The following TMEM97 variants were observed in gnomAD, a reference collection of about 807,000 sequenced individuals.
The protein encoded by TMEM97 is sigma intracellular receptor 2.
In TMEM97, 13 loss-of-function variants were observed where a neutral mutation model predicts 18.3. That is an observed-to-expected ratio of 0.71 (90% CI 0.46 to 1.13). The LOEUF (loss-of-function observed/expected upper bound fraction) is 1.13. TMEM97 is among the 50% of genes most tolerant of loss of function. TMEM97 has a pLI of 0.00. For synonymous variants in TMEM97, 76 were observed against 85.3 expected (o/e 0.89, Z 0.60); for missense variants, 205 against 210.5 (o/e 0.97, Z 0.16).
In TMEM97 at chr17:28,319,238, C is replaced by G. The variant is rs782594088; in HGVS notation, c.-2C>G. 6.2e-7 allele frequency: 1 copy of G among 1,606,494 alleles called. No homozygotes were observed. Among genetic ancestry groups the G allele is most frequent in the East Asian group, 2.3e-5 (1 of 44,276 alleles). ...AGCGGGTCCAGGCCCAACCGACAGA[C>G]TATGGGGGCTCCGGCAACCAGGCGC... On this transcript the variant is annotated 5_prime_UTR_variant, in exon 1 of 3. Coordinates refer to ENST00000226230, the MANE Select transcript of TMEM97 (RefSeq NM_014573.3).
In TMEM97 at chr17:28,326,522, T is replaced by C. The variant is rs1555575476; in HGVS notation, c.272-12T>C. 1 of 1,611,116 alleles carries C rather than the reference T, an allele frequency of 6.2e-7. No homozygotes were observed. Among genetic ancestry groups the C allele is most frequent in the Non-Finnish European group, 8.5e-7 (1 of 1,177,914 alleles). On this transcript the variant is annotated splice_polypyrimidine_tract_variant and intron_variant, in intron 2 of 2. Coordinates refer to ENST00000226230, the MANE Select transcript of TMEM97 (RefSeq NM_014573.3). Reference sequence around the variant, plus strand: ...AGACCTAACCATTTTTCTTTTCCCCTGACTACCTCAGGAAGCTGCAAGTGG... The same window carrying C: ...AGACCTAACCATTTTTCTTTTCCCCCGACTACCTCAGGAAGCTGCAAGTGG...
In TMEM97 at chr17:28,328,120, G is replaced by C. The variant is rs781801532; in HGVS notation, c.*1327G>C. The C allele has an allele frequency of 3.2e-4, 49 of 153,910 alleles. No homozygotes were observed. The highest frequency in any genetic ancestry group is 5.5e-4 in the Non-Finnish European group (38 of 68,960). 9.5% of individuals were successfully genotyped at this position (153,910 alleles called of 1,614,324 possible). ...AAATGATGTTAGACAACAGGTCCCAGTCAGTTCCCTCTATTTTCACCCATT... is the reference window on the plus strand; with the variant it reads ...AAATGATGTTAGACAACAGGTCCCACTCAGTTCCCTCTATTTTCACCCATT... On this transcript the variant is annotated 3_prime_UTR_variant, in exon 3 of 3. Coordinates refer to ENST00000226230, the MANE Select transcript of TMEM97 (RefSeq NM_014573.3).
chr17:28,328,650 G>T lies in TMEM97; in HGVS notation c.*1857G>T. On this transcript the variant is annotated 3_prime_UTR_variant, in exon 3 of 3. Transcript: ENST00000226230. Reference sequence around the variant, plus strand: ...TCCTACTATAAAAGCGAAATTTTCAGTTCATTTCTGAAAAATAAATTGGTC... The same window carrying T: ...TCCTACTATAAAAGCGAAATTTTCATTTCATTTCTGAAAAATAAATTGGTC... 1 of 1,592,206 alleles carries T rather than the reference G, an allele frequency of 6.3e-7. No individual in the cohort carries two copies. The highest frequency in any genetic ancestry group is 8.6e-7 in the Non-Finnish European group (1 of 1,168,220).
rs782260228 is a variant in TMEM97, at chr17:28,325,563, C to T, written c.187C>T (p.Pro63Ser). Residue 63 changes from proline to serine, a missense_variant, in exon 2 of 3, where the codon CCA becomes TCA. Pro to Ser is a moderately conservative substitution (Grantham distance 74). Coordinates refer to ENST00000226230, the MANE Select transcript of TMEM97 (RefSeq NM_014573.3). The part of the protein sequence containing the change: ...EFKDPLLQEP[P>S]AWFKSFLFCE... The stretch of plus-strand genomic sequence containing the variant: ...CAAAGACCCACTGCTACAGGAGCCC[C>T]CAGCCTGGTTTAAGTCCTTTCTGTT... 3 of 1,614,232 alleles carry T rather than the reference C, an allele frequency of 1.9e-6. No individual in the cohort carries two copies. The highest frequency in any genetic ancestry group is 2.5e-6 in the Non-Finnish European group (3 of 1,180,040).
At chr17:28,325,826 T>C (rs1555575407) in intron 2 of TMEM97, 179 bp downstream of exon 2, 3 of 847,320 alleles carry the variant, frequency 3.5e-6, no homozygotes, top group Non-Finnish European at 3.6e-6. Context: ...CTCAGGCTCA[T>C]GTCTGTGGTC....
chr17:28,326,963 CA>C lies in TMEM97; in HGVS notation c.*171del. The stretch of plus-strand genomic sequence containing the variant: ...ACCATGTCAAACCCTCACCTTCTTC[CA>C]TTTTTTTTTTTTTTTTAAGACAGTC... On this transcript the variant is annotated 3_prime_UTR_variant, in exon 3 of 3. Coordinates refer to ENST00000226230, the MANE Select transcript of TMEM97 (RefSeq NM_014573.3). 2 of 805,106 alleles carry C rather than the reference CA, an allele frequency of 2.5e-6. No homozygotes were observed. The highest frequency in any genetic ancestry group is 3.5e-5 in the African/African-American group (2 of 57,024). The allele number at this position is 805,106 out of a possible 1,614,324, so 49.9% of individuals were successfully genotyped here.
Position 28,327,482 on chromosome 17 carries a change from T to G in TMEM97, c.*689T>G, listed in dbSNP as rs577491390. On this transcript the variant is annotated 3_prime_UTR_variant, in exon 3 of 3. Transcript: ENST00000226230. ...TGAGTCACCTGACCCACAGCATATA[T>G]GCTTATGACTAAACCCTCCACTCCT... 2.6e-5 allele frequency: 4 copies of G among 152,298 alleles called. No homozygotes were observed. The highest frequency in any genetic ancestry group is 2.6e-4 in the Admixed American group (4 of 15,290). 9.4% of individuals were successfully genotyped at this position (152,298 alleles called of 1,614,324 possible). A position where few individuals can be genotyped will look rare whatever the true frequency, so the allele number is the denominator to read the frequency against.
chr17:28,323,262 T>C (rs765885337), intron 1 of TMEM97, among the ~76,000 whole-genome samples: 4 of 152,180 alleles, frequency 2.6e-5, no homozygotes, highest in Non-Finnish European at 2.9e-5. Context: ...GATAATTCAT[T>C]ATTACGACAT....
Position 28,326,789 on chromosome 17 carries a change from A to T in TMEM97, c.527A>T (p.Lys176Ile), listed in dbSNP as rs782282555. 1 of 1,610,592 alleles carries T rather than the reference A, an allele frequency of 6.2e-7. No individual in the cohort carries two copies. Among genetic ancestry groups the T allele is most frequent in the Non-Finnish European group, 8.5e-7 (1 of 1,179,432 alleles). The change falls in exon 3 of 3, where the codon AAA becomes ATA. Residue 176 changes from lysine to isoleucine, a missense_variant. By Grantham distance (102) the Lys-to-Ile change is moderately radical. Coordinates refer to ENST00000226230, the MANE Select transcript of TMEM97 (RefSeq NM_014573.3). ...AAGTATGAAGAGAAAAGAAAAAAAA[A>T]ATGAAGGAAACAACCACTGGCCCAG... is the stretch of plus-strand genomic sequence containing the variant. ...YYKYEEKRKKK is the reference protein window; with the variant it reads ...YYKYEEKRKKI
chr17:28,325,783 C>A (rs1056985169), intron 2 of TMEM97, 136 bp downstream of exon 2: 38 of 1,226,530 alleles, frequency 3.1e-5, no homozygotes, highest in Non-Finnish European at 4.3e-5. Context: ...GGTAAATAGC[C>A]AGGGTAGATC....
chr17:28,326,241 C>T (rs1292444143), intron 2 of TMEM97, among the ~76,000 whole-genome samples: 2 of 152,156 alleles, frequency 1.3e-5, no homozygotes, highest in Admixed American at 6.5e-5. Flanking sequence ...CAGGGATTTC[C>T]CTCCCCTTGG....
intron 1 of TMEM97, among the ~76,000 whole-genome samples, chr17:28,321,844 T>TGTGTGTGTGTGTGTG (rs1597777801): frequency 2.6e-5 from 2 of 75,880 alleles, no homozygotes; most frequent in East Asian, 3.5e-4. Context: ...GTGTGTGTGT[T>TGTGTGTGTGTGTGTG]TGTGTGAGAT....
intron 1 of TMEM97, among the ~76,000 whole-genome samples, chr17:28,321,707 G>A (rs782355079): frequency 1.2e-4 from 18 of 152,288 alleles, no homozygotes; most frequent in East Asian, 3.9e-4. Context: ...GATTACAGGT[G>A]TGACCCACCG....
chr17:28,326,943 G>C lies in TMEM97; in HGVS notation c.*150G>C. The C allele has an allele frequency of 1.0e-6, 1 of 983,198 alleles. No individual in the cohort carries two copies. The highest frequency in any genetic ancestry group is 2.4e-5 in the Admixed American group (1 of 41,564). The allele number at this position is 983,198 out of a possible 1,614,324, so 60.9% of individuals were successfully genotyped here. A position where few individuals can be genotyped will look rare whatever the true frequency, so the allele number is the denominator to read the frequency against. ...AGAGCAAGATGGTGTCAGGAACCAT[G>C]TCAAACCCTCACCTTCTTCCATTTT... On this transcript the variant is annotated 3_prime_UTR_variant, in exon 3 of 3. Transcript: ENST00000226230.
Position 28,328,419 on chromosome 17 carries a change from T to G in TMEM97, c.*1626T>G, listed in dbSNP as rs931280624. ...AGTTTACAAACTGCTTAGTTCCAAC[T>G]AAGCATAAGAGGTGAGAACGTACAC... On this transcript the variant is annotated 3_prime_UTR_variant, in exon 3 of 3. Transcript: ENST00000226230. The G allele has an allele frequency of 5.4e-5, 24 of 447,664 alleles. No homozygotes were observed. Among genetic ancestry groups the G allele is most frequent in the African/African-American group, 3.9e-4 (19 of 48,718 alleles). 27.7% of individuals were successfully genotyped at this position (447,664 alleles called of 1,614,324 possible).
In TMEM97 at chr17:28,319,317, G is replaced by C. The variant is rs782645534; in HGVS notation, c.78G>C (p.Leu26=). ...TCCTCAGCCACATCCCCATCACCCT[G>C]TTCATGGACCTGCAGGCGGTGCTGC... ...LYFLSHIPIT[L]FMDLQAVLPR... Residue 26 remains leucine (L), a synonymous_variant, in exon 1 of 3, where the codon CTG becomes CTC. Transcript: ENST00000226230. 3.1e-6 allele frequency: 5 copies of C among 1,610,160 alleles called. No individual in the cohort carries two copies. Among genetic ancestry groups the C allele is most frequent in the Non-Finnish European group, 4.2e-6 (5 of 1,178,326 alleles).
chr17:28,325,850 G>A (rs1022863744), intron 2 of TMEM97: 5 of 648,462 alleles, frequency 7.7e-6, no homozygotes, highest in Non-Finnish European at 1.3e-5. Flanking sequence ...AGGCCTGCAC[G>A]GCTGCCTCAG....
Position 28,319,225 on chromosome 17 carries a change from C to A in TMEM97, c.-15C>A, listed in dbSNP as rs1906031194. ...CTCTTCTCACATCAGCGGGTCCAGG[C>A]CCAACCGACAGACTATGGGGGCTCC... is the stretch of plus-strand genomic sequence containing the variant. On this transcript the variant is annotated 5_prime_UTR_variant, in exon 1 of 3. Transcript: ENST00000226230. The A allele has an allele frequency of 1.3e-6, 2 of 1,597,496 alleles. No individual in the cohort carries two copies. The highest frequency in any genetic ancestry group is 1.7e-6 in the Non-Finnish European group (2 of 1,171,622).
In TMEM97 at chr17:28,326,717, T is replaced by C; in HGVS notation, c.455T>C (p.Leu152Pro). ...GTGTCTGTCTATGCCCCCTACTTAC[T>C]CATCCCATTCATACTTTTAATTTTC... Reference protein sequence around the residue: ...TLVSVYAPYLLIPFILLIFML... With the variant: ...TLVSVYAPYLPIPFILLIFML... The change falls in exon 3 of 3, where the codon CTC becomes CCC. Residue 152 changes from leucine (L) to proline (P), a missense_variant. By Grantham distance (98) the Leu-to-Pro change is moderately conservative. Transcript: ENST00000226230. 1 of 1,614,038 alleles carries C rather than the reference T, an allele frequency of 6.2e-7. No individual in the cohort carries two copies. Among genetic ancestry groups the C allele is most frequent in the Non-Finnish European group, 8.5e-7 (1 of 1,180,018 alleles).
Sources: allele counts gnomAD v4.1 joint callset (sites outside exome capture counted in the v4.1 genomes callset), GRCh38; gene constraint gnomAD v4.1.1; transcripts MANE v1.5; gene names NCBI Gene and HGNC (gene_info 2026-07-23, HGNC 2026-07-21).